The following TNKS2 variants were observed in gnomAD, a reference collection of about 807,000 sequenced individuals.
The protein encoded by TNKS2 is poly [ADP-ribose] polymerase tankyrase-2.
In TNKS2, 72 loss-of-function variants were observed where a neutral mutation model predicts 137.6. The ratio of observed to expected loss-of-function variants is 0.52; its 90% CI spans 0.43 to 0.64. TNKS2 has a LOEUF of 0.64. Ranked by LOEUF, TNKS2 falls within the 30% of genes least tolerant of loss-of-function variation. The pLI is 0.00. For synonymous variants in TNKS2, 516 were observed against 512.1 expected, an observed-to-expected ratio of 1.01 and a Z score of -0.10; for missense variants, 1,049 against 1,410.2, an observed-to-expected ratio of 0.74 and a Z score of 4.10.
chr10:91,844,348 A>G (rs1005270520), intron 16 of TNKS2, among the ~76,000 whole-genome samples: 1 of 152,216 alleles, frequency 6.6e-6, no homozygotes, highest in Non-Finnish European at 1.5e-5. Context: ...AAACTATAAT[A>G]GAAATAAGTT....
intron 13 of TNKS2, among the ~76,000 whole-genome samples, chr10:91,840,213 GC>G (rs925917780): frequency 1.3e-5 from 2 of 152,248 alleles, no homozygotes; most frequent in East Asian, 1.9e-4. Flanking sequence ...CCTGGCATGT[GC>G]CTGTAGTCCC....
At chr10:91,851,453 AT>A (rs1046799548) in intron 21 of TNKS2, 117 bp downstream of exon 21, 1 of 1,205,428 alleles carries the variant, frequency 8.3e-7, no homozygotes, top group Non-Finnish European at 1.1e-6. Context: ...AAGAATACTA[AT>A]TTAGGATTCA....
chr10:91,864,427 C>T lies in TNKS2; in HGVS notation c.*1428C>T, dbSNP rs1398646012. On this transcript the variant is annotated 3_prime_UTR_variant, in exon 27 of 27. Coordinates refer to ENST00000371627, the MANE Select transcript of TNKS2 (RefSeq NM_025235.4). ...TCTTTTATTTGTTGACTCTAGCTCCCTTCAAAGTCGAGGAAAGATCTTTAC... is the reference window on the plus strand; with the variant it reads ...TCTTTTATTTGTTGACTCTAGCTCCTTTCAAAGTCGAGGAAAGATCTTTAC... The T allele has an allele frequency of 6.6e-6, 1 of 152,560 alleles. No individual in the cohort carries two copies. The highest frequency in any genetic ancestry group is 1.5e-5 in the Non-Finnish European group (1 of 68,042). The allele number at this position is 152,560 out of a possible 1,614,324, so 9.5% of individuals were successfully genotyped here. A position where few individuals can be genotyped will look rare whatever the true frequency, so the allele number is the denominator to read the frequency against.
At chr10:91,844,671 A>G (rs1195048476) in intron 16 of TNKS2, among the ~76,000 whole-genome samples, 3 of 152,220 alleles carry the variant, frequency 2.0e-5, no homozygotes, top group Non-Finnish European at 4.4e-5. Flanking sequence ...TTGATAACAC[A>G]AAAAGCTTCC....
At chr10:91,825,838 G>A (rs1051408846) in intron 7 of TNKS2, among the ~76,000 whole-genome samples, 7 of 152,256 alleles carry the variant, frequency 4.6e-5, no homozygotes, top group African/African-American at 7.2e-5. Flanking sequence ...GAACTCAAAC[G>A]TTGCCACGTA....
chr10:91,801,573 G>A (rs184962182), intron 1 of TNKS2, among the ~76,000 whole-genome samples: 3 of 151,872 alleles, frequency 2.0e-5, no homozygotes, highest in African/African-American at 7.2e-5. Context: ...TTCCGGGTTC[G>A]ACCGATTCTC....
chr10:91,828,520 A>G, intron 9 of TNKS2, 114 bp downstream of exon 9: 1 of 1,097,490 alleles, frequency 9.1e-7, no homozygotes, highest in Non-Finnish European at 1.2e-6. Context: ...TTAAAAAATT[A>G]CTGCCTATGC....
intron 1 of TNKS2, among the ~76,000 whole-genome samples, chr10:91,802,610 T>C (rs1844204558): frequency 6.6e-6 from 1 of 152,254 alleles, no homozygotes. Flanking sequence ...TTGAAGGCTT[T>C]AGCTGCTCAG....
chr10:91,859,235 G>A (rs1842791043), intron 24 of TNKS2, among the ~76,000 whole-genome samples: 1 of 152,080 alleles, frequency 6.6e-6, no homozygotes, highest in South Asian at 2.1e-4. Flanking sequence ...TTCAATCTGT[G>A]TCCTTATTTT....
chr10:91,829,653 C>G (rs1424032140), intron 9 of TNKS2, among the ~76,000 whole-genome samples: 1 of 152,112 alleles, frequency 6.6e-6, no homozygotes, highest in Admixed American at 6.6e-5. Flanking sequence ...CTTAACCTAC[C>G]AAAGGAACTA....
chr10:91,841,605 A>G (rs1172295669), intron 15 of TNKS2, among the ~76,000 whole-genome samples, 157 bp downstream of exon 15: 1 of 152,180 alleles, frequency 6.6e-6, no homozygotes, highest in Non-Finnish European at 1.5e-5. Flanking sequence ...TAAACATTTT[A>G]TATTTTAATC....
At position 91,822,213 on chromosome 10, in the gene TNKS2, A is replaced by G; in HGVS notation, c.729-83A>G. 2.8e-6 allele frequency: 3 copies of G among 1,065,348 alleles called. No homozygotes were observed. The Admixed American group carries it at 6.5e-5, about 23-fold the overall frequency. 66.0% of individuals were successfully genotyped at this position (1,065,348 alleles called of 1,614,324 possible). ...TCCATTTGCTATTTAAGTATAAGTA[A>G]TTAAATAAATTTTAATTTATAAATT... On this transcript the variant is annotated intron_variant, in intron 6 of 26. Transcript: ENST00000371627.
At chr10:91,840,734 TCTTCCTTA>T in intron 14 of TNKS2, 28 bp downstream of exon 14, 3 of 1,577,296 alleles carry the variant, frequency 1.9e-6, no homozygotes, top group Non-Finnish European at 2.6e-6. Flanking sequence ...TTATGGACTC[TCTTCCTTA>T]CTTTTACTTG....
intron 7 of TNKS2, among the ~76,000 whole-genome samples, chr10:91,825,649 A>T (rs1845043570): frequency 6.6e-6 from 1 of 152,246 alleles, no homozygotes; most frequent in South Asian, 2.1e-4. Flanking sequence ...ATTGTCAAAA[A>T]TACTGAAAGA....
chr10:91,844,831 CTTT>C, intron 16 of TNKS2, 85 bp from the exon 17 acceptor site: 1 of 783,102 alleles, frequency 1.3e-6, no homozygotes, highest in East Asian at 2.7e-5. Context: ...CATGTAATGA[CTTT>C]TTTATGTTAA....
chr10:91,800,924 G>A (rs1213906465), intron 1 of TNKS2, among the ~76,000 whole-genome samples: 1 of 152,160 alleles, frequency 6.6e-6, no homozygotes, highest in Non-Finnish European at 1.5e-5. Context: ...ATGTTAATGT[G>A]CCTGCAAGCA....
chr10:91,810,586 TC>T (rs763134007), intron 1 of TNKS2, among the ~76,000 whole-genome samples: 4 of 151,458 alleles, frequency 2.6e-5, no homozygotes, highest in Non-Finnish European at 4.4e-5. Context: ...CAGTGCAAGC[TC>T]TGCCTCCCAG....
At chr10:91,830,850 G>T in intron 9 of TNKS2, 73 bp from the exon 10 acceptor site, 3 of 1,251,240 alleles carry the variant, frequency 2.4e-6, no homozygotes, top group South Asian at 2.8e-5. Flanking sequence ...GATTGTTCTT[G>T]ATTGGAAACA....
intron 1 of TNKS2, among the ~76,000 whole-genome samples, chr10:91,803,826 G>GAT (rs1844248194): frequency 1.3e-5 from 2 of 152,238 alleles, no homozygotes; most frequent in South Asian, 4.1e-4. Context: ...AACCCTGTGT[G>GAT]ATAGCCTACC....
Sources: allele counts gnomAD v4.1 joint callset (sites outside exome capture counted in the v4.1 genomes callset), GRCh38; gene constraint gnomAD v4.1.1; transcripts MANE v1.5; gene names NCBI Gene and HGNC (gene_info 2026-07-23, HGNC 2026-07-21).